Variants in NKAIN3 observed in about 807,000 individuals in gnomAD.
NKAIN3 encodes the protein sodium/potassium-transporting ATPase subunit beta-1-interacting protein 3.
In NKAIN3, 25 loss-of-function variants were observed where a neutral mutation model predicts 30.2. That is an observed-to-expected ratio of 0.83 (90% CI 0.60 to 1.16). The LOEUF is 1.16. NKAIN3 is among the 50% of genes most tolerant of loss of function. The pLI is 0.00. For synonymous variants in NKAIN3, 91 were observed against 89.6 expected, an observed-to-expected ratio of 1.02 and a Z score of -0.09; for missense variants, 225 against 254.1, an observed-to-expected ratio of 0.89 and a Z score of 0.78.
chr8:62,552,739 A>T (rs1809254582), intron 1 of NKAIN3, among the ~76,000 whole-genome samples: 1 of 152,210 alleles, frequency 6.6e-6, no homozygotes. Flanking sequence ...AAAGCTGCTG[A>T]GATAAAAGCC....
chr8:62,323,219 A>G (rs772853051), intron 1 of NKAIN3, among the ~76,000 whole-genome samples: 4 of 152,200 alleles, frequency 2.6e-5, no homozygotes, highest in Non-Finnish European at 4.4e-5. Flanking sequence ...TCACACAATA[A>G]CCTACACCCA....
At chr8:62,665,754 G>T (rs1278982767) in intron 3 of NKAIN3, among the ~76,000 whole-genome samples, 1 of 152,148 alleles carries the variant, frequency 6.6e-6, no homozygotes, top group Non-Finnish European at 1.5e-5. Context: ...ATACAGTGAT[G>T]CAGGGTCAGG....
At chr8:62,741,429 AAGC>A (rs1370219425) in intron 3 of NKAIN3, among the ~76,000 whole-genome samples, 29 of 127,286 alleles carry the variant, frequency 2.3e-4, no homozygotes, top group African/African-American at 8.6e-4. Flanking sequence ...GAAGGCAGGC[AAGC>A]AAGCAAGCAC....
chr8:62,482,004 C>T (rs1806737311), intron 1 of NKAIN3, among the ~76,000 whole-genome samples: 1 of 152,156 alleles, frequency 6.6e-6, no homozygotes, highest in African/African-American at 2.4e-5. Flanking sequence ...CCTGTGAATA[C>T]CTCTCTGCTG....
chr8:62,593,488 C>T (rs993206620), intron 3 of NKAIN3, among the ~76,000 whole-genome samples: 1 of 151,804 alleles, frequency 6.6e-6, no homozygotes, highest in Non-Finnish European at 1.5e-5. Flanking sequence ...TGACTAATAT[C>T]TCATAGTTGG....
chr8:62,362,893 C>T (rs933330529), intron 1 of NKAIN3, among the ~76,000 whole-genome samples: 1 of 151,990 alleles, frequency 6.6e-6, no homozygotes, highest in African/African-American at 2.4e-5. Flanking sequence ...CTTATTTGAA[C>T]GCAGTTTGAA....
chr8:62,631,851 G>A (rs938909372), intron 3 of NKAIN3, among the ~76,000 whole-genome samples: 7 of 152,162 alleles, frequency 4.6e-5, no homozygotes, highest in African/African-American at 2.4e-5. Context: ...ATTAGCTCAT[G>A]CCTCGTTTGA....
rs865926480 is a variant in NKAIN3, at chr8:62,306,577, T to G, written c.54+57450T>G. On this transcript the variant is annotated intron_variant, in intron 1 of 6. Coordinates refer to ENST00000623646, the MANE Select transcript of NKAIN3 (RefSeq NM_001304533.3). ...GTGTGTGTGTGTGTGTGTGTGTGTGTTGTGTGTGTGTTTAGTTTATGTGTG... is the reference window on the plus strand; with the variant it reads ...GTGTGTGTGTGTGTGTGTGTGTGTGGTGTGTGTGTGTTTAGTTTATGTGTG... Among the ~76,000 whole-genome samples, 576 of 123,732 alleles carry G rather than the reference T, an allele frequency of 4.7e-3. 23 individuals are homozygous for G. Among genetic ancestry groups the G allele is most frequent in the African/African-American group, 0.018 (546 of 30,906 alleles). The allele number at this position is 123,732 out of a possible 152,430, so 81.2% of individuals were successfully genotyped here. A position where few individuals can be genotyped will look rare whatever the true frequency, so the allele number is the denominator to read the frequency against.
intron 4 of NKAIN3, among the ~76,000 whole-genome samples, chr8:62,841,232 G>A (rs1819521570): frequency 6.6e-6 from 1 of 152,036 alleles, no homozygotes; most frequent in Non-Finnish European, 1.5e-5. Flanking sequence ...GGAGTACAAT[G>A]TGATGTTTTC....
intron 3 of NKAIN3, among the ~76,000 whole-genome samples, chr8:62,693,289 T>C (rs1814042443): frequency 6.6e-6 from 1 of 152,228 alleles, no homozygotes; most frequent in Admixed American, 6.5e-5. Context: ...TTTGAAGCAT[T>C]CCATAATTTG....
intron 6 of NKAIN3, among the ~76,000 whole-genome samples, chr8:62,957,600 G>A (rs1823458467): frequency 6.6e-6 from 1 of 152,174 alleles, no homozygotes; most frequent in African/African-American, 2.4e-5. Context: ...TGCATGTTAT[G>A]AAATGAAGGA....
chr8:62,250,367 A>G (rs1328096333), intron 1 of NKAIN3, among the ~76,000 whole-genome samples: 1 of 152,186 alleles, frequency 6.6e-6, no homozygotes, highest in Non-Finnish European at 1.5e-5. Context: ...GTGACTTTTT[A>G]AGCCTATTGG....
chr8:62,807,850 A>T (rs1030870599), intron 4 of NKAIN3, among the ~76,000 whole-genome samples: 2 of 150,694 alleles, frequency 1.3e-5, no homozygotes, highest in East Asian at 3.9e-4. Flanking sequence ...CAATTTTATC[A>T]ATTTTATAAA....
In NKAIN3 at chr8:62,628,851, C is replaced by T. The variant is rs1811865774; in HGVS notation, c.273+39057C>T. 5.3e-5 allele frequency among the ~76,000 whole-genome samples: 8 copies of T among 152,234 alleles called. No homozygotes were observed. In the South Asian group the frequency reaches 1.5e-3, roughly 28 times the overall value. ...TATGTCTCTCCCAGGATAGCAACCTCTATGAGGGCAAAGACTGTCTTTTTT... is the reference window on the plus strand; with the variant it reads ...TATGTCTCTCCCAGGATAGCAACCTTTATGAGGGCAAAGACTGTCTTTTTT... On this transcript the variant is annotated intron_variant, in intron 3 of 6. Coordinates refer to ENST00000623646, the MANE Select transcript of NKAIN3 (RefSeq NM_001304533.3).
At chr8:62,558,768 G>A (rs917139140) in intron 1 of NKAIN3, among the ~76,000 whole-genome samples, 2 of 151,696 alleles carry the variant, frequency 1.3e-5, no homozygotes, top group Non-Finnish European at 2.9e-5. Context: ...TCAGGTGGGA[G>A]CCCAGATTAC....
chr8:62,585,920 T>G (rs1228832637), intron 2 of NKAIN3, among the ~76,000 whole-genome samples: 2 of 152,194 alleles, frequency 1.3e-5, no homozygotes, highest in African/African-American at 4.8e-5. Context: ...AAAAATAAGA[T>G]TTTTGTCCTA....
chr8:62,496,198 G>C (rs1451848), intron 1 of NKAIN3, among the ~76,000 whole-genome samples: 93,909 of 151,976 alleles, frequency 0.62, 30,856 homozygotes, highest in South Asian at 0.79. Context: ...AGGAAAGGCA[G>C]AAAATTGTAA....
At chr8:62,485,523 AT>A (rs1806871239) in intron 1 of NKAIN3, among the ~76,000 whole-genome samples, 1 of 152,178 alleles carries the variant, frequency 6.6e-6, no homozygotes, top group African/African-American at 2.4e-5. Flanking sequence ...CTTAAATTAT[AT>A]GTATCTGGGG....
chr8:62,567,055 A>G (rs766469700), intron 1 of NKAIN3, among the ~76,000 whole-genome samples: 1 of 152,062 alleles, frequency 6.6e-6, no homozygotes, highest in African/African-American at 2.4e-5. Flanking sequence ...AGTTAAGGCT[A>G]TGTTTCTTTA....
Sources: gnomAD v4.1 joint callset for allele counts (sites outside exome capture counted in the v4.1 genomes callset) on GRCh38, gnomAD v4.1.1 for gene constraint, MANE v1.5 for transcripts, NCBI Gene and HGNC (gene_info 2026-07-23, HGNC 2026-07-21) for gene names.